Variants in RYR2 observed in about 807,000 individuals in gnomAD.
RYR2 encodes cardiac muscle ryanodine receptor-calcium release channel.
RYR2 carries 227 observed loss-of-function variants against 601.1 expected under a neutral mutation model. The ratio of observed to expected loss-of-function variants is 0.38; its 90% CI spans 0.34 to 0.42. RYR2 has a LOEUF of 0.42. Among genes scored for constraint, RYR2 ranks in the 10% least tolerant of loss-of-function variants. The pLI, the probability that RYR2 is intolerant of heterozygous loss-of-function variation, is 1.00. For missense variants in RYR2, 4,646 were observed against 6,156.5 expected (o/e 0.75, Z 8.21); for synonymous variants, 2,223 against 2,175.1 (o/e 1.02, Z -0.61).
intron 100 of RYR2, among the ~76,000 whole-genome samples, chr1:237,818,093 TGA>T (rs1431210801): frequency 2.0e-5 from 3 of 152,124 alleles, no homozygotes; most frequent in Admixed American, 6.6e-5. Flanking sequence ...TTGGGAAAGC[TGA>T]GTGTGGCTAA....
intron 80 of RYR2, among the ~76,000 whole-genome samples, chr1:237,745,825 GAC>G (rs1042091013): frequency 2.0e-5 from 3 of 151,956 alleles, no homozygotes; most frequent in Non-Finnish European, 4.4e-5. Context: ...CTCAGCAAGA[GAC>G]AGGCTTTTAA....
chr1:237,613,593 T>G (rs2148590480), intron 36 of RYR2, among the ~76,000 whole-genome samples: 1 of 152,282 alleles, frequency 6.6e-6, no homozygotes, highest in Admixed American at 6.5e-5. Context: ...TAGATGAATG[T>G]CAAATTCTAT....
chr1:237,252,993 C>T (rs1572367673), intron 1 of RYR2, among the ~76,000 whole-genome samples: 1 of 151,832 alleles, frequency 6.6e-6, no homozygotes, highest in East Asian at 1.9e-4. Flanking sequence ...TATGAAACTC[C>T]ATCTCTACTA....
intron 84 of RYR2, among the ~76,000 whole-genome samples, chr1:237,761,990 T>A (rs1000835276): frequency 1.3e-5 from 2 of 152,192 alleles, no homozygotes; most frequent in African/African-American, 4.8e-5. Context: ...TATGTATTTT[T>A]TTCTTCTCAC....
chr1:237,728,544 C>T (rs560313148), intron 76 of RYR2, among the ~76,000 whole-genome samples: 7 of 152,078 alleles, frequency 4.6e-5, no homozygotes, highest in African/African-American at 1.7e-4. Context: ...AAATGCCCAT[C>T]AATGATAGAC....
At chr1:237,600,312 C>T (rs920391796) in intron 34 of RYR2, among the ~76,000 whole-genome samples, 7 of 152,050 alleles carry the variant, frequency 4.6e-5, no homozygotes, top group African/African-American at 1.7e-4. Flanking sequence ...CCATATCCAA[C>T]TAATTTTCAA....
chr1:237,557,853 G>C lies in RYR2; in HGVS notation c.3214+7162G>C, dbSNP rs534721003. Among the ~76,000 whole-genome samples the C allele has an allele frequency of 3.4e-3, 520 of 152,240 alleles. 4 individuals carry two copies. Among genetic ancestry groups the C allele is most frequent in the African/African-American group, 0.012 (501 of 41,550 alleles). On this transcript the variant is annotated intron_variant, in intron 27 of 104. Transcript: ENST00000366574. ...AGGAATTGGAGCAGATGGACATGGG[G>C]TAGTGGGAAGATTCTGAGTTTTATT...
At chr1:237,160,635 C>T (rs1242988544) in intron 1 of RYR2, among the ~76,000 whole-genome samples, 1 of 151,666 alleles carries the variant, frequency 6.6e-6, no homozygotes. Context: ...TTGAGTTGTC[C>T]ATTTTACTAA....
intron 81 of RYR2, 59 bp downstream of exon 81, chr1:237,756,446 C>T (rs1156673555): frequency 1.3e-5 from 15 of 1,118,546 alleles, no homozygotes; most frequent in Non-Finnish European, 2.0e-5. Flanking sequence ...TCGTTGCTCT[C>T]AAGGTCCTCC....
intron 1 of RYR2, among the ~76,000 whole-genome samples, chr1:237,093,563 A>C (rs1029045850): frequency 6.6e-6 from 1 of 152,118 alleles, no homozygotes; most frequent in African/African-American, 2.4e-5. Context: ...GAGCAGTTTC[A>C]TCCCTGAGGA....
At chr1:237,210,719 C>T (rs1682477602) in intron 1 of RYR2, among the ~76,000 whole-genome samples, 2 of 152,044 alleles carry the variant, frequency 1.3e-5, no homozygotes, top group South Asian at 2.1e-4. Flanking sequence ...TGGCTGGGTG[C>T]TGTGTGTTGT....
At chr1:237,246,418 G>GTT (rs1258644051) in intron 1 of RYR2, among the ~76,000 whole-genome samples, 1 of 152,152 alleles carries the variant, frequency 6.6e-6, no homozygotes, top group Non-Finnish European at 1.5e-5. Flanking sequence ...TTTCTCGGTT[G>GTT]TTTTGTCCTG....
chr1:237,473,112 A>G (rs1660922027), intron 17 of RYR2, among the ~76,000 whole-genome samples: 1 of 151,994 alleles, frequency 6.6e-6, no homozygotes, highest in Non-Finnish European at 1.5e-5. Flanking sequence ...AATGATTAAT[A>G]TTTGTAAAGT....
chr1:237,447,314 A>G (rs34522102), intron 14 of RYR2, among the ~76,000 whole-genome samples: 27,859 of 152,172 alleles, frequency 0.18, 3,272 homozygotes, highest in Non-Finnish European at 0.25. Flanking sequence ...TGAAATACCA[A>G]AATTCATCTT....
At chr1:237,193,867 T>C (rs577910618) in intron 1 of RYR2, among the ~76,000 whole-genome samples, 6 of 152,228 alleles carry the variant, frequency 3.9e-5, no homozygotes, top group Non-Finnish European at 7.3e-5. Flanking sequence ...TGTCACTTTT[T>C]TTCCTCACTG....
At chr1:237,170,410 G>A (rs183803000) in intron 1 of RYR2, among the ~76,000 whole-genome samples, 1 of 152,134 alleles carries the variant, frequency 6.6e-6, no homozygotes, top group Non-Finnish European at 1.5e-5. Flanking sequence ...AGGCGGGTTC[G>A]GAATGAGGAC....
At chr1:237,084,646 C>T (rs1197047289) in intron 1 of RYR2, among the ~76,000 whole-genome samples, 1 of 152,250 alleles carries the variant, frequency 6.6e-6, no homozygotes, top group Non-Finnish European at 1.5e-5. Flanking sequence ...TTCATCATCC[C>T]TCCTCCCAGC....
chr1:237,080,764 G>A (rs1665518142), intron 1 of RYR2, among the ~76,000 whole-genome samples: 1 of 88,824 alleles, frequency 1.1e-5, no homozygotes, highest in Non-Finnish European at 2.3e-5. Flanking sequence ...ATTTGACCCA[G>A]CCATCCCATT....
rs1394869121 is a variant in RYR2, at chr1:237,559,890, G to A, written c.3215-6677G>A. On this transcript the variant is annotated intron_variant, in intron 27 of 104. Coordinates refer to ENST00000366574, the MANE Select transcript of RYR2 (RefSeq NM_001035.3). Reference sequence around the variant, plus strand: ...GAGACTGTGTTGCCTGTCATGTGTGGCCACTGAAGTCTCAGTTTCATTAGC... The same window carrying A: ...GAGACTGTGTTGCCTGTCATGTGTGACCACTGAAGTCTCAGTTTCATTAGC... 2.6e-5 allele frequency among the ~76,000 whole-genome samples: 4 copies of A among 152,268 alleles called. No individual in the cohort carries two copies. The East Asian group carries it at 7.7e-4, about 29-fold the overall frequency.
Sources: allele counts gnomAD v4.1 joint callset (sites outside exome capture counted in the v4.1 genomes callset), GRCh38; gene constraint gnomAD v4.1.1; transcripts MANE v1.5; gene names NCBI Gene and HGNC (gene_info 2026-07-23, HGNC 2026-07-21).